ANO2: variants seen among roughly 807,000 people sequenced by gnomAD.
ANO2 encodes anoctamin 2, also known as anoctamin-2.
A neutral mutation model predicts 124.2 loss-of-function variants in ANO2; 101 were observed. The observed-to-expected ratio is 0.81, with a 90% CI of 0.69 to 0.96. ANO2 has a LOEUF of 0.96. Among genes scored for constraint, ANO2 ranks in the 40% least tolerant of loss-of-function variants. ANO2 has a pLI of 0.00. For synonymous variants in ANO2, 486 were observed against 482.5 expected (o/e 1.01, Z -0.09); for missense variants, 1,293 against 1,274.5 (o/e 1.01, Z -0.22).
intron 23 of ANO2, among the ~76,000 whole-genome samples, chr12:5,573,540 T>C (rs1365775709): frequency 6.6e-6 from 1 of 152,206 alleles, no homozygotes; most frequent in Non-Finnish European, 1.5e-5. Flanking sequence ...CCCTCTGTGC[T>C]GTGGAACTAT....
At chr12:5,719,928 G>A (rs937651831) in intron 14 of ANO2, among the ~76,000 whole-genome samples, 2 of 152,112 alleles carry the variant, frequency 1.3e-5, no homozygotes, top group Admixed American at 1.3e-4. Flanking sequence ...CTACTGGAGA[G>A]TCTACCTCCC....
chr12:5,711,522 A>G (rs1289809587), intron 14 of ANO2, among the ~76,000 whole-genome samples: 1 of 152,200 alleles, frequency 6.6e-6, no homozygotes, highest in Admixed American at 6.5e-5. Context: ...CCTGTATGGC[A>G]ATGCAAAACT....
intron 10 of ANO2, among the ~76,000 whole-genome samples, chr12:5,758,093 G>A (rs528888671): frequency 2.6e-5 from 4 of 152,256 alleles, no homozygotes; most frequent in African/African-American, 9.6e-5. Flanking sequence ...AGCCTTAAAC[G>A]GAAGAAGGGA....
chr12:5,778,203 CA>C (rs1304130457), intron 10 of ANO2, among the ~76,000 whole-genome samples: 4 of 152,118 alleles, frequency 2.6e-5, no homozygotes, highest in Non-Finnish European at 5.9e-5. Context: ...ATATTATTTC[CA>C]ATCTTCACAA....
intron 14 of ANO2, among the ~76,000 whole-genome samples, chr12:5,724,159 T>C (rs1197398077): frequency 6.6e-6 from 1 of 152,080 alleles, no homozygotes. Context: ...TTCAGAAACA[T>C]AACCAGGCTC....
intron 13 of ANO2, among the ~76,000 whole-genome samples, chr12:5,736,998 G>A (rs1950894421): frequency 6.6e-6 from 1 of 152,136 alleles, no homozygotes; most frequent in Admixed American, 6.5e-5. Flanking sequence ...ATAGACCAAA[G>A]AGCACCCTGC....
chr12:5,815,183 C>A (rs976575958), intron 7 of ANO2, among the ~76,000 whole-genome samples: 2 of 152,212 alleles, frequency 1.3e-5, no homozygotes, highest in Admixed American at 6.5e-5. Flanking sequence ...TGTCCCTTTT[C>A]CACAGCAGAA....
chr12:5,620,550 T>TAGGAGTTGAATTGGAATTCTATAGC (rs1402629844), intron 16 of ANO2, among the ~76,000 whole-genome samples: 5 of 152,192 alleles, frequency 3.3e-5, no homozygotes, highest in African/African-American at 7.2e-5. Flanking sequence ...TGGAATTCTA[T>TAGGAGTTGAATTGGAATTCTATAGC]AGGAGTTGAA....
chr12:5,744,039 G>T, intron 12 of ANO2, 118 bp downstream of exon 12: 1 of 1,226,682 alleles, frequency 8.2e-7, no homozygotes, highest in Non-Finnish European at 1.1e-6. Context: ...AATACTTCTT[G>T]TGATGGGAAG....
chr12:5,633,538 G>A (rs79096021), intron 16 of ANO2, among the ~76,000 whole-genome samples: 2,678 of 152,062 alleles, frequency 0.018, 80 homozygotes, highest in African/African-American at 0.059. Flanking sequence ...GAAAAAAATC[G>A]GAGTCCTCAG....
At chr12:5,713,080 G>A (rs1413292259) in intron 14 of ANO2, among the ~76,000 whole-genome samples, 1 of 152,188 alleles carries the variant, frequency 6.6e-6, no homozygotes, top group Non-Finnish European at 1.5e-5. Context: ...GGACTGGAAG[G>A]GGGCCTGACA....
chr12:5,877,440 GA>G (rs1310264002), intron 3 of ANO2, among the ~76,000 whole-genome samples: 1 of 152,212 alleles, frequency 6.6e-6, no homozygotes, highest in East Asian at 1.9e-4. Flanking sequence ...GGAGTCTTAA[GA>G]GAGTTAGCAA....
intron 14 of ANO2, among the ~76,000 whole-genome samples, chr12:5,728,847 C>G (rs1203917164): frequency 3.9e-5 from 6 of 152,172 alleles, no homozygotes; most frequent in African/African-American, 1.4e-4. Flanking sequence ...CATTTATGGT[C>G]AATTGACTTT....
intron 14 of ANO2, among the ~76,000 whole-genome samples, chr12:5,726,292 T>C (rs1565613103): frequency 6.6e-6 from 1 of 152,220 alleles, no homozygotes; most frequent in Non-Finnish European, 1.5e-5. Context: ...CCCACTGTTG[T>C]CCTCAGTGGA....
At chr12:5,590,913 G>A (rs112413179) in intron 20 of ANO2, among the ~76,000 whole-genome samples, 6,646 of 152,244 alleles carry the variant, frequency 0.044, 449 homozygotes, top group African/African-American at 0.15. Flanking sequence ...GCGGCCGAGC[G>A]TGGTGGCTCA....
chr12:5,843,753 A>G (rs1854407562), intron 4 of ANO2, among the ~76,000 whole-genome samples: 1 of 152,126 alleles, frequency 6.6e-6, no homozygotes, highest in South Asian at 2.1e-4. Context: ...AACATCTCTT[A>G]TCATCCTGAG....
rs765596985 is a variant in ANO2, at chr12:5,750,839, G to A, written c.1187C>T (p.Pro396Leu). The A allele has an allele frequency of 2.7e-5, 43 of 1,609,912 alleles. No homozygotes were observed. Among genetic ancestry groups the A allele is most frequent in the Non-Finnish European group, 3.3e-5 (39 of 1,178,746 alleles). Residue 396 changes from proline (P) to leucine (L), a missense_variant, in exon 11 of 25, where the codon CCC (proline) becomes CTC (leucine). Physicochemically the swap from Pro to Leu is moderately conservative, Grantham distance 98. Transcript: ENST00000682330. ...YGCATIEEDI[P>L]SREMCDQQNA... ...CTTTTCTTTAAAACTGATTTACCTG[G>A]GAATATCTTCTTCAATTGTTGCACA...
intron 9 of ANO2, 133 bp from the exon 10 acceptor site, chr12:5,799,704 G>A (rs773305121): frequency 1.4e-5 from 11 of 769,932 alleles, no homozygotes; most frequent in Admixed American, 2.2e-5. Flanking sequence ...CATCCAGGGG[G>A]AGATGTTCAG....
intron 3 of ANO2, among the ~76,000 whole-genome samples, chr12:5,882,756 T>G (rs34584056): frequency 0.21 from 31,959 of 152,092 alleles, 3,581 homozygotes; most frequent in Admixed American, 0.31. Context: ...TGCCTTTGTT[T>G]TCCTGATGCA....
Sources: allele counts gnomAD v4.1 joint callset (sites outside exome capture counted in the v4.1 genomes callset), GRCh38; gene constraint gnomAD v4.1.1; transcripts MANE v1.5; gene names NCBI Gene and HGNC (gene_info 2026-07-23, HGNC 2026-07-21).